NAV2: variants seen among roughly 807,000 people sequenced by gnomAD.
NAV2 encodes neuron navigator 2, also known as helicase, APC down-regulated 1.
Under a neutral mutation model 223.2 loss-of-function variants are expected in NAV2, and 54 were observed. The ratio of observed to expected loss-of-function variants is 0.24; its 90% CI spans 0.19 to 0.30. The LOEUF is 0.30. Among genes scored for constraint, NAV2 ranks in the 10% least tolerant of loss-of-function variants. The pLI is 1.00. For missense variants in NAV2, 2,806 were observed against 3,147.5 expected, an observed-to-expected ratio of 0.89 and a Z score of 2.60; for synonymous variants, 1,279 against 1,239.3, an observed-to-expected ratio of 1.03 and a Z score of -0.67.
At chr11:19,369,217 G>A (rs894942618) in intron 1 of NAV2, among the ~76,000 whole-genome samples, 1 of 152,126 alleles carries the variant, frequency 6.6e-6, no homozygotes, top group Non-Finnish European at 1.5e-5. Flanking sequence ...CTTAACAGAT[G>A]CCCGGATGTC....
chr11:19,954,541 A>G (rs2047669354), intron 10 of NAV2, among the ~76,000 whole-genome samples: 1 of 152,162 alleles, frequency 6.6e-6, no homozygotes, highest in Admixed American at 6.6e-5. Flanking sequence ...ATCCTCCTAT[A>G]TACTTTAAAT....
At chr11:19,953,750 G>A (rs1271812198) in intron 10 of NAV2, among the ~76,000 whole-genome samples, 1 of 152,174 alleles carries the variant, frequency 6.6e-6, no homozygotes, top group Non-Finnish European at 1.5e-5. Context: ...ATTTAATCCT[G>A]GCTCTGCCAA....
Position 19,953,891 on chromosome 11 carries a change from A to G in NAV2, c.2645+4811A>G, listed in dbSNP as rs2047608494. Among the ~76,000 whole-genome samples the G allele has an allele frequency of 2.6e-5, 4 of 151,420 alleles. No individual in the cohort carries two copies. The South Asian group carries it at 8.4e-4, about 32-fold the overall frequency. On this transcript the variant is annotated intron_variant, in intron 10 of 37. Coordinates refer to ENST00000349880, the MANE Select transcript of NAV2 (RefSeq NM_145117.5). ...TGTGTGTGTGTGTGTGTCTTTCTCC[A>G]CTAAACTTGGAGTTCCTAGCAGGCA...
At chr11:19,866,810 C>G (rs924168372) in intron 3 of NAV2, among the ~76,000 whole-genome samples, 1 of 152,030 alleles carries the variant, frequency 6.6e-6, no homozygotes, top group Non-Finnish European at 1.5e-5. Context: ...GAATAAATAT[C>G]GAGTGTACTA....
chr11:19,384,459 G>T lies in NAV2; in HGVS notation c.75+33432G>T, dbSNP rs1848958470. On this transcript the variant is annotated intron_variant, in intron 1 of 37. Transcript: ENST00000360655. ...GTGTGAGAAACAAAGACAAATGTGA[G>T]TTGACTCAGGATATCTGTGGAACTA... Among the ~76,000 whole-genome samples the T allele has an allele frequency of 2.0e-5, 3 of 152,348 alleles. No homozygotes were observed. In the South Asian group the frequency reaches 6.2e-4, roughly 32 times the overall value.
At chr11:19,979,490 A>G (rs1295477425) in intron 10 of NAV2, among the ~76,000 whole-genome samples, 1 of 152,124 alleles carries the variant, frequency 6.6e-6, no homozygotes, top group Non-Finnish European at 1.5e-5. Flanking sequence ...GCTTTTGCAT[A>G]GGTTATCCAT....
upstream of NAV2, among the ~76,000 whole-genome samples, chr11:19,707,889 C>T (rs892933076): frequency 1.3e-5 from 2 of 152,126 alleles, no homozygotes; most frequent in Admixed American, 6.6e-5. Context: ...CTTACAGGAC[C>T]GCCATCATTA....
rs114138121 is a variant in NAV2 at position 20,041,218 on chromosome 11, G to A, written c.2908-2763G>A. Among the ~76,000 whole-genome samples, 408 of 152,240 alleles carry A rather than the reference G, an allele frequency of 2.7e-3. 3 individuals carry two copies. The highest frequency in any genetic ancestry group is 9.3e-3 in the African/African-American group (388 of 41,536). ...TATACCTCGACTTATCCTTAGGGAG[G>A]GCAGTGTGGCATGGTGGTTAAAATG... On this transcript the variant is annotated intron_variant, in intron 12 of 37. Coordinates refer to ENST00000349880, the MANE Select transcript of NAV2 (RefSeq NM_145117.5).
chr11:19,866,586 A>C (rs1230962480), intron 3 of NAV2, among the ~76,000 whole-genome samples: 2 of 152,206 alleles, frequency 1.3e-5, no homozygotes, highest in Non-Finnish European at 2.9e-5. Flanking sequence ...ATGTACTTTA[A>C]ATGATGCTGT....
Position 19,713,625 on chromosome 11 carries a change from C to T in NAV2, c.-71C>T, listed in dbSNP as rs544316191. 7 of 1,479,574 alleles carry T rather than the reference C, an allele frequency of 4.7e-6. No individual in the cohort carries two copies. The highest frequency in any genetic ancestry group is 2.4e-5 in the East Asian group (1 of 41,434). The allele number at this position is 1,479,574 out of a possible 1,614,324, so 91.7% of individuals were successfully genotyped here. ...GGCCCGGCGCCTGCTCTGCTACCCG[C>T]GCTGCCTTTAGCGGTCGCCCCCGCC... On this transcript the variant is annotated 5_prime_UTR_variant, in exon 1 of 38. Coordinates refer to ENST00000349880, the MANE Select transcript of NAV2 (RefSeq NM_145117.5). This position sits in a 1 kb window ranked among gnomAD's most constrained non-coding sequence, Gnocchi z 7.2.
chr11:19,759,506 G>GA (rs1346454984), intron 1 of NAV2, among the ~76,000 whole-genome samples: 1 of 151,948 alleles, frequency 6.6e-6, no homozygotes, highest in African/African-American at 2.4e-5. Flanking sequence ...GTCTTTCTGG[G>GA]AAAAAAACAA....
intron 26 of NAV2, among the ~76,000 whole-genome samples, chr11:20,085,846 A>T (rs2060402439): frequency 6.6e-6 from 1 of 152,180 alleles, no homozygotes; most frequent in African/African-American, 2.4e-5. Flanking sequence ...GAAGAGGCTT[A>T]TGTCGCCTCT....
intron 1 of NAV2, among the ~76,000 whole-genome samples, chr11:19,818,619 T>G (rs1366843968): frequency 6.6e-6 from 1 of 152,150 alleles, no homozygotes; most frequent in Non-Finnish European, 1.5e-5. Flanking sequence ...GCTCCAAAAT[T>G]TACTGAAAAT....
intron 22 of NAV2, 67 bp from the exon 23 acceptor site, chr11:20,077,485 G>A: frequency 7.9e-7 from 1 of 1,268,458 alleles, no homozygotes; most frequent in Non-Finnish European, 1.1e-6. Flanking sequence ...ATCTTTAAGA[G>A]CCAGACACCT....
At chr11:19,911,372 G>A (rs1047131356) in intron 6 of NAV2, among the ~76,000 whole-genome samples, 1 of 152,204 alleles carries the variant, frequency 6.6e-6, no homozygotes, top group Non-Finnish European at 1.5e-5. Context: ...AGACAGAACA[G>A]CGTGTCCAAA....
At chr11:19,818,462 G>C (rs183181580) in intron 1 of NAV2, among the ~76,000 whole-genome samples, 1 of 151,866 alleles carries the variant, frequency 6.6e-6, no homozygotes, top group Non-Finnish European at 1.5e-5. Context: ...TATAATAGGT[G>C]TAAATAATCT....
intron 11 of NAV2, among the ~76,000 whole-genome samples, chr11:20,009,242 A>T (rs989826888): frequency 2.0e-5 from 3 of 152,164 alleles, no homozygotes; most frequent in African/African-American, 7.2e-5. Context: ...GAGCTTACTT[A>T]CTCAAATTTG....
At chr11:19,516,305 C>G (rs11603682) in intron 1 of NAV2, among the ~76,000 whole-genome samples, 24,345 of 152,164 alleles carry the variant, frequency 0.16, 2,115 homozygotes, top group Admixed American at 0.21. Context: ...GAAGTTTGAG[C>G]CCCACAATAC....
At chr11:19,969,627 A>C (rs1369582301) in intron 10 of NAV2, among the ~76,000 whole-genome samples, 2 of 152,152 alleles carry the variant, frequency 1.3e-5, no homozygotes, top group African/African-American at 4.8e-5. Context: ...AGTTTAATTT[A>C]TAAATTAGAC....
Sources: gnomAD v4.1 joint callset for allele counts (sites outside exome capture counted in the v4.1 genomes callset) on GRCh38, gnomAD v4.1.1 for gene constraint, Gnocchi (gnomAD v3.1) non-coding constraint, MANE v1.5 for transcripts, NCBI Gene and HGNC (gene_info 2026-07-23, HGNC 2026-07-21) for gene names.